The following XKR5 variants were observed in gnomAD, a reference collection of about 807,000 sequenced individuals.
XKR5 encodes XK related 5, also known as XK-related protein 5.
XKR5 carries 46 observed loss-of-function variants against 40.8 expected under a neutral mutation model. The ratio of observed to expected loss-of-function variants is 1.13; its 90% CI spans 0.89 to 1.44. The LOEUF (loss-of-function observed/expected upper bound fraction) is 1.44. Ranked by LOEUF, XKR5 falls within the 40% of genes most tolerant of loss-of-function variation. The pLI, the probability that XKR5 is intolerant of heterozygous loss-of-function variation, is 0.00. For missense variants in XKR5, 1,169 were observed against 844.7 expected, an observed-to-expected ratio of 1.38 and a Z score of -4.76; for synonymous variants, 466 against 356.1, an observed-to-expected ratio of 1.31 and a Z score of -3.48.
At chr8:6,819,873 C>CTCCT (rs71535992) in intron 5 of XKR5, among the ~76,000 whole-genome samples, 10 of 151,406 alleles carry the variant, frequency 6.6e-5, no homozygotes, top group Middle Eastern at 3.4e-3. Flanking sequence ...CCTTCCCTCC[C>CTCCT]TCCTTCCTTC....
Position 6,811,510 on chromosome 8 carries a change from G to T in XKR5, c.1749C>A (p.Pro583=). ...GGAAGGGCGCCAAGCCCACTGGGTG[G>T]GGCGATGCAGGCTGGGCAGGGCTGC... ...GKSSPAQPAS[P]HPVGLAPFPD... The change falls in exon 7 of 7, where the codon CCC becomes CCA. Residue 583 remains proline, a synonymous_variant. Coordinates refer to ENST00000618742, the MANE Select transcript of XKR5 (RefSeq NM_207411.5). The T allele has an allele frequency of 6.5e-7, 1 of 1,529,908 alleles. No individual in the cohort carries two copies. The highest frequency in any genetic ancestry group is 2.4e-5 in the East Asian group (1 of 40,874). The allele number at this position is 1,529,908 out of a possible 1,614,324, so 94.8% of individuals were successfully genotyped here. A position where few individuals can be genotyped will look rare whatever the true frequency, so the allele number is the denominator to read the frequency against.
At chr8:6,816,223 A>T (rs1410309764) in intron 5 of XKR5, among the ~76,000 whole-genome samples, 1 of 152,108 alleles carries the variant, frequency 6.6e-6, no homozygotes, top group Non-Finnish European at 1.5e-5. Flanking sequence ...ATGGGCTGAG[A>T]GGGGACTTTT....
chr8:6,820,661 A>G (rs1804189845), intron 5 of XKR5, among the ~76,000 whole-genome samples: 1 of 151,944 alleles, frequency 6.6e-6, no homozygotes, highest in African/African-American at 2.4e-5. Context: ...CCACAAGTGA[A>G]CCTATCTACA....
chr8:6,828,329 G>C (rs1288005038), intron 2 of XKR5, among the ~76,000 whole-genome samples: 1 of 152,158 alleles, frequency 6.6e-6, no homozygotes, highest in Admixed American at 6.5e-5. Context: ...TCTGGGGTCA[G>C]TGGCACAGGG....
chr8:6,810,089 G>C lies in XKR5; in HGVS notation c.*1109C>G, dbSNP rs1384100984. 1 of 152,308 alleles carries C rather than the reference G, an allele frequency of 6.6e-6. No individual in the cohort carries two copies. The allele number at this position is 152,308 out of a possible 1,614,324, so 9.4% of individuals were successfully genotyped here. ...GATCATGCCACTGCACTCCAGCCTG[G>C]GTGACAGAGAGGCCCTGTCTCAACA... On this transcript the variant is annotated 3_prime_UTR_variant, in exon 7 of 7. Coordinates refer to ENST00000618742, the MANE Select transcript of XKR5 (RefSeq NM_207411.5).
intron 5 of XKR5, among the ~76,000 whole-genome samples, chr8:6,816,260 C>T (rs184129962): frequency 0.014 from 2,153 of 152,294 alleles, 44 homozygotes; most frequent in African/African-American, 0.049. Flanking sequence ...ATTTCTCCAT[C>T]CTCACACTAA....
chr8:6,826,884 C>T lies in XKR5; in HGVS notation c.243-1535G>A, dbSNP rs909118026. On this transcript the variant is annotated intron_variant, in intron 2 of 6. Transcript: ENST00000618742. ...CACTGTGGATTACAGGATGGGGTGGCCCAGGGCCACGGGGACACATCTGCT... is the reference window on the plus strand; with the variant it reads ...CACTGTGGATTACAGGATGGGGTGGTCCAGGGCCACGGGGACACATCTGCT... Among the ~76,000 whole-genome samples, 33 of 152,264 alleles carry T rather than the reference C, an allele frequency of 2.2e-4. 1 individual carries two copies. Among genetic ancestry groups the T allele is most frequent in the African/African-American group, 3.1e-4 (13 of 41,550 alleles).
intron 5 of XKR5, among the ~76,000 whole-genome samples, chr8:6,818,347 C>T (rs1804061620): frequency 6.6e-6 from 1 of 152,222 alleles, no homozygotes; most frequent in Non-Finnish European, 1.5e-5. Context: ...CAAGCTCTGC[C>T]TCTTGTGTCC....
At chr8:6,833,217 A>T (rs1804851981) in intron 1 of XKR5, among the ~76,000 whole-genome samples, 1 of 152,280 alleles carries the variant, frequency 6.6e-6, no homozygotes, top group Non-Finnish European at 1.5e-5. Context: ...ACTAGGGACC[A>T]CCCTTATACC....
intron 6 of XKR5, among the ~76,000 whole-genome samples, chr8:6,813,434 A>G (rs1587154768): frequency 1.3e-5 from 2 of 152,048 alleles, no homozygotes; most frequent in East Asian, 1.9e-4. Context: ...AGTGAACACA[A>G]TCTTTCCAGA....
At position 6,832,787 on chromosome 8, in the gene XKR5, G is replaced by A. The variant is rs751350875; in HGVS notation, c.172C>T (p.Arg58Ter). ...LVQALSYLWF[R>*]ADGHPGHCSL... ...CAATGCCCTGGATGCCCGTCTGCTC[G>A]GAACCACAGGTAGCTCAGGGCCTGG... Residue 58 changes from arginine to a stop codon, truncating the protein, a stop_gained, in exon 2 of 7, where the codon CGA becomes TGA. Coordinates refer to ENST00000618742, the MANE Select transcript of XKR5 (RefSeq NM_207411.5). LOFTEE classifies it high-confidence loss of function. The A allele has an allele frequency of 1.4e-5, 23 of 1,613,024 alleles. No individual in the cohort carries two copies. The highest frequency in any genetic ancestry group is 1.6e-4 in the Middle Eastern group (1 of 6,084).
chr8:6,825,407 A>G, intron 2 of XKR5, 58 bp from the exon 3 acceptor site: 2 of 1,444,846 alleles, frequency 1.4e-6, no homozygotes, highest in Non-Finnish European at 1.8e-6. Flanking sequence ...ATTCAATAGG[A>G]CGAGCTTTCA....
At chr8:6,830,943 A>C (rs1006575416) in intron 2 of XKR5, among the ~76,000 whole-genome samples, 1 of 152,208 alleles carries the variant, frequency 6.6e-6, no homozygotes, top group African/African-American at 2.4e-5. Context: ...TGAGGAAGGC[A>C]GTGGATTCCA....
chr8:6,821,608 G>A (rs1804227846), intron 5 of XKR5, among the ~76,000 whole-genome samples: 1 of 152,168 alleles, frequency 6.6e-6, no homozygotes, highest in Non-Finnish European at 1.5e-5. Flanking sequence ...GGCTGATGTA[G>A]AGAAGACATC....
intron 2 of XKR5, among the ~76,000 whole-genome samples, chr8:6,831,627 C>A (rs916551669): frequency 6.6e-6 from 1 of 152,056 alleles, no homozygotes; most frequent in African/African-American, 2.4e-5. Context: ...GGCCACGACC[C>A]CTTGAACACC....
At chr8:6,830,750 C>G (rs375611270) in intron 2 of XKR5, among the ~76,000 whole-genome samples, 2 of 152,158 alleles carry the variant, frequency 1.3e-5, no homozygotes, top group African/African-American at 4.8e-5. Flanking sequence ...TATCTCTTCA[C>G]TTATCTATAT....
At chr8:6,812,455 A>T in intron 6 of XKR5, 116 bp from the exon 7 acceptor site, 1 of 1,091,850 alleles carries the variant, frequency 9.2e-7, no homozygotes, top group Non-Finnish European at 1.3e-6. Context: ...TGGGATCCAA[A>T]ATAGGACTCT....
intron 2 of XKR5, among the ~76,000 whole-genome samples, chr8:6,829,937 A>G (rs942472358): frequency 2.2e-5 from 3 of 137,382 alleles, no homozygotes; most frequent in African/African-American, 5.5e-5. Context: ...TAACGGGTTC[A>G]TGCCATTCTC....
intron 4 of XKR5, 138 bp from the exon 5 acceptor site, chr8:6,822,176 G>A (rs916515421): frequency 2.4e-5 from 19 of 791,072 alleles, no homozygotes; most frequent in Non-Finnish European, 3.3e-5. Context: ...AAACCCAGAA[G>A]AGATTTGAGG....
Sources: gnomAD v4.1 joint callset for allele counts (sites outside exome capture counted in the v4.1 genomes callset) on GRCh38, gnomAD v4.1.1 for gene constraint, MANE v1.5 for transcripts, NCBI Gene and HGNC (gene_info 2026-07-23, HGNC 2026-07-21) for gene names.